The following SHB variants were observed in gnomAD, a reference collection of about 807,000 sequenced individuals.
SHB encodes SH2 domain containing adaptor protein B.
In SHB, 20 loss-of-function variants were observed where a neutral mutation model predicts 52.3. The ratio of observed to expected loss-of-function variants is 0.38; its 90% confidence interval spans 0.27 to 0.56. SHB has a LOEUF of 0.56. Ranked by LOEUF, SHB falls within the 20% of genes least tolerant of loss-of-function variation. The pLI, the probability that SHB is intolerant of heterozygous loss-of-function variation, is 0.71. For synonymous variants in SHB, 397 were observed against 316.5 expected (o/e 1.25, Z -2.70); for missense variants, 825 against 723.3 (o/e 1.14, Z -1.61).
At chr9:38,020,289 G>A (rs1346520818) in intron 1 of SHB, among the ~76,000 whole-genome samples, 1 of 152,236 alleles carries the variant, frequency 6.6e-6, no homozygotes, top group Admixed American at 6.5e-5. Context: ...CCTGAAGACA[G>A]GAATGGCTTG....
At chr9:38,064,942 G>A (rs1026963242) in intron 1 of SHB, among the ~76,000 whole-genome samples, 1 of 152,154 alleles carries the variant, frequency 6.6e-6, no homozygotes, top group Non-Finnish European at 1.5e-5. Flanking sequence ...GGGCAACACA[G>A]AGAGACCTCC....
At chr9:38,026,857 G>A (rs1263483931) in intron 1 of SHB, among the ~76,000 whole-genome samples, 2 of 152,182 alleles carry the variant, frequency 1.3e-5, no homozygotes, top group Admixed American at 1.3e-4. Context: ...CGATCACCTC[G>A]TGCCTCCACG....
rs371693691 is a variant in SHB at position 37,983,296 on chromosome 9, C to T, written c.839-8459G>A. Among the ~76,000 whole-genome samples, 19 of 152,272 alleles carry T rather than the reference C, an allele frequency of 1.2e-4. No homozygotes were observed. In the South Asian group the frequency reaches 2.5e-3, roughly 20 times the overall value. ...GCGAAAATGGGTACCAGAGGAAGAA[C>T]CAAGGCAGAGGCCCAGGGAGTCAAA... On this transcript the variant is annotated intron_variant, in intron 2 of 5. Coordinates refer to ENST00000377707, the MANE Select transcript of SHB (RefSeq NM_003028.3).
chr9:37,944,657 C>A (rs1832472003), intron 5 of SHB, among the ~76,000 whole-genome samples: 1 of 152,158 alleles, frequency 6.6e-6, no homozygotes, highest in Non-Finnish European at 1.5e-5. Context: ...GTGCAACCTG[C>A]ACGTCAGTGG....
At chr9:37,995,866 A>G (rs1820940479) in intron 2 of SHB, among the ~76,000 whole-genome samples, 1 of 152,150 alleles carries the variant, frequency 6.6e-6, no homozygotes, top group Non-Finnish European at 1.5e-5. Context: ...GGGGTTTAAA[A>G]TCAGTTGCTC....
intron 2 of SHB, among the ~76,000 whole-genome samples, chr9:37,989,852 G>A (rs920538696): frequency 2.6e-5 from 4 of 152,174 alleles, no homozygotes; most frequent in African/African-American, 4.8e-5. Context: ...ATGCACAAGA[G>A]CCAGGAACCT....
At chr9:38,063,795 GTTTTTT>G (rs5897715) in intron 1 of SHB, among the ~76,000 whole-genome samples, 1 of 129,882 alleles carries the variant, frequency 7.7e-6, no homozygotes, top group Non-Finnish European at 1.7e-5. Flanking sequence ...TTTGCTGGAT[GTTTTTT>G]TTTTTTTTTT....
chr9:38,049,793 T>C (rs2118162770), intron 1 of SHB, among the ~76,000 whole-genome samples: 1 of 149,930 alleles, frequency 6.7e-6, no homozygotes, highest in East Asian at 2.0e-4. Context: ...GCAGGTACCA[T>C]GGGTACTTTT....
At chr9:37,982,230 C>G (rs1321461388) in intron 2 of SHB, among the ~76,000 whole-genome samples, 1 of 152,220 alleles carries the variant, frequency 6.6e-6, no homozygotes, top group South Asian at 2.1e-4. Flanking sequence ...TGGTGGCTCA[C>G]GCCTGTACTC....
At chr9:38,015,188 C>G in intron 2 of SHB, among the ~76,000 whole-genome samples, 1 of 152,226 alleles carries the variant, frequency 6.6e-6, no homozygotes, top group East Asian at 1.9e-4. Flanking sequence ...GCCTACACAG[C>G]TGCTCTTCAG....
intron 2 of SHB, among the ~76,000 whole-genome samples, chr9:37,992,585 C>T (rs12338509): frequency 0.43 from 64,985 of 151,912 alleles, 14,291 homozygotes; most frequent in Middle Eastern, 0.5. Flanking sequence ...GAGGAAGACT[C>T]GGGGTGAGCA....
chr9:37,936,195 G>A (rs1270501552), intron 5 of SHB, among the ~76,000 whole-genome samples: 5 of 152,110 alleles, frequency 3.3e-5, no homozygotes, highest in African/African-American at 1.2e-4. Context: ...CAGCCTGGGC[G>A]ACAGAGCGGG....
At chr9:37,926,150 C>T (rs1489436593) in intron 5 of SHB, among the ~76,000 whole-genome samples, 1 of 152,112 alleles carries the variant, frequency 6.6e-6, no homozygotes, top group African/African-American at 2.4e-5. Context: ...AAGGTACCTC[C>T]GTGGTCACCT....
rs985082869 is a variant in SHB, at chr9:37,939,339, G to A, written c.1346+9296C>T. 2.0e-5 allele frequency among the ~76,000 whole-genome samples: 3 copies of A among 152,240 alleles called. No homozygotes were observed. In the South Asian group the frequency reaches 6.2e-4, roughly 31 times the overall value. On this transcript the variant is annotated intron_variant, in intron 5 of 5. Transcript: ENST00000377707. ...CAGGAGCTGGGCAGGCTCAGCCTCT[G>A]CCCCTCCCTGACAACACGGCCTTAA...
At chr9:38,033,459 A>C (rs1887882) in intron 1 of SHB, among the ~76,000 whole-genome samples, 2 of 151,976 alleles carry the variant, frequency 1.3e-5, no homozygotes, top group Non-Finnish European at 2.9e-5. Flanking sequence ...GAATTTGGGA[A>C]GATCACTTGA....
At chr9:38,008,959 C>T (rs1364992007) in intron 2 of SHB, among the ~76,000 whole-genome samples, 1 of 152,214 alleles carries the variant, frequency 6.6e-6, no homozygotes, top group Non-Finnish European at 1.5e-5. Flanking sequence ...ATGGCCTGGA[C>T]TCAGGACCCA....
intron 1 of SHB, among the ~76,000 whole-genome samples, chr9:38,018,927 T>C (rs1388601739): frequency 2.6e-5 from 4 of 152,334 alleles, no homozygotes; most frequent in East Asian, 1.9e-4. Flanking sequence ...AGATGTGAGA[T>C]TGGATTTCTG....
intron 5 of SHB, among the ~76,000 whole-genome samples, chr9:37,940,795 G>C (rs1203868712): frequency 1.3e-5 from 2 of 152,102 alleles, no homozygotes; most frequent in African/African-American, 4.8e-5. Context: ...GGTATTCCTG[G>C]AGCTGCTACC....
At chr9:37,986,313 C>T (rs899850496) in intron 2 of SHB, among the ~76,000 whole-genome samples, 14 of 152,124 alleles carry the variant, frequency 9.2e-5, no homozygotes, top group Admixed American at 3.3e-4. Context: ...GAGAGGAAAG[C>T]TGGGGGATGT....
Sources: allele counts gnomAD v4.1 joint callset (sites outside exome capture counted in the v4.1 genomes callset), GRCh38; gene constraint gnomAD v4.1.1; transcripts MANE v1.5; gene names NCBI Gene and HGNC (gene_info 2026-07-23, HGNC 2026-07-21).